Variants in ANKRD46 observed in about 807,000 individuals in gnomAD.
ANKRD46 encodes the protein ankyrin repeat domain-containing protein 46.
In ANKRD46, 13 loss-of-function variants were observed where a neutral mutation model predicts 19.8. The ratio of observed to expected loss-of-function variants is 0.66; its 90% CI spans 0.43 to 1.04. The LOEUF (loss-of-function observed/expected upper bound fraction) is 1.04. Among genes scored for constraint, ANKRD46 ranks in the 50% least tolerant of loss-of-function variants. ANKRD46 has a pLI of 0.00. For synonymous variants in ANKRD46, 91 were observed against 106.9 expected (o/e 0.85, Z 0.92); for missense variants, 185 against 274.8 (o/e 0.67, Z 2.31).
rs552093080 is a variant in ANKRD46, at chr8:100,527,411, C to G, written c.470+434G>C. 3.3e-5 allele frequency among the ~76,000 whole-genome samples: 5 copies of G among 152,104 alleles called. No individual in the cohort carries two copies. The South Asian group carries it at 1.0e-3, about 32-fold the overall frequency. On this transcript the variant is annotated intron_variant, in intron 4 of 4. Transcript: ENST00000335659. This position sits in a 1 kb window ranked among gnomAD's most constrained non-coding sequence, Gnocchi z 4.0. ...AGTTCTTGGCTTTACTTATACTTCT[C>G]TTTTTTTTGAAATTCCATTCTTTTT...
At position 100,520,791 on chromosome 8, in the gene ANKRD46, A is replaced by G. The variant is rs2130637744; in HGVS notation, c.*1764T>C. 1 of 982,332 alleles carries G rather than the reference A, an allele frequency of 1.0e-6. No individual in the cohort carries two copies. Among genetic ancestry groups the G allele is most frequent in the Non-Finnish European group, 1.2e-6 (1 of 827,342 alleles). 60.9% of individuals were successfully genotyped at this position (982,332 alleles called of 1,614,324 possible). On this transcript the variant is annotated 3_prime_UTR_variant, in exon 5 of 5. Transcript: ENST00000335659. ...TCGTGATTAAGGGATATATAAATAC[A>G]TTTATTGGTGGTATTCCTGAATGAT...
intron 1 of ANKRD46, among the ~76,000 whole-genome samples, chr8:100,554,222 G>GAC (rs1198438750): frequency 6.6e-6 from 1 of 152,156 alleles, no homozygotes; most frequent in African/African-American, 2.4e-5. Flanking sequence ...TGGCAAGTCA[G>GAC]ACGTTAAATT....
intron 1 of ANKRD46, among the ~76,000 whole-genome samples, chr8:100,555,228 T>C (rs930603944): frequency 1.3e-5 from 2 of 151,658 alleles, no homozygotes; most frequent in Non-Finnish European, 2.9e-5. Flanking sequence ...AAATTCAATA[T>C]TATAGTCTCA....
intron 3 of ANKRD46, among the ~76,000 whole-genome samples, chr8:100,528,482 C>T (rs1391603705): frequency 6.6e-6 from 1 of 150,574 alleles, no homozygotes; most frequent in African/African-American, 2.4e-5. Context: ...GCCAAACATC[C>T]AGTGTAGCTG....
At chr8:100,513,877 G>A (rs1811586501) in intron 5 of ANKRD46, among the ~76,000 whole-genome samples, 1 of 152,210 alleles carries the variant, frequency 6.6e-6, no homozygotes, top group African/African-American at 2.4e-5. Flanking sequence ...TCCAAAGTAA[G>A]TTACAGATTT....
At chr8:100,513,965 A>C (rs1811589443) in intron 5 of ANKRD46, among the ~76,000 whole-genome samples, 1 of 152,222 alleles carries the variant, frequency 6.6e-6, no homozygotes, top group South Asian at 2.1e-4. Context: ...AATTTCGGTG[A>C]AACAGTCCAG....
At chr8:100,514,341 T>C (rs962035583) in intron 5 of ANKRD46, among the ~76,000 whole-genome samples, 1 of 152,174 alleles carries the variant, frequency 6.6e-6, no homozygotes, top group Non-Finnish European at 1.5e-5. Context: ...CATTAATTTG[T>C]AATGATTCCA....
downstream of ANKRD46, among the ~76,000 whole-genome samples, chr8:100,518,291 G>C (rs1023368563): frequency 2.6e-5 from 4 of 152,092 alleles, no homozygotes; most frequent in African/African-American, 9.7e-5. Context: ...TTATGTAATA[G>C]AAACACAAAA....
rs1377472249 is a variant in ANKRD46 at position 100,536,767 on chromosome 8, G to A, written c.-130-3456C>T. 1.3e-5 allele frequency among the ~76,000 whole-genome samples: 2 copies of A among 152,202 alleles called. No individual in the cohort carries two copies. The highest frequency in any genetic ancestry group is 3.8e-4 in the East Asian group (2 of 5,196). On this transcript the variant is annotated intron_variant, in intron 1 of 4. Coordinates refer to ENST00000335659, the MANE Select transcript of ANKRD46 (RefSeq NM_001270377.2). This position sits in a 1 kb window ranked among gnomAD's most constrained non-coding sequence, Gnocchi z 4.9. ...CTGGTTCCCAAGGAACAGTGTCCAT[G>A]AGGAACAGTGTCCACTGACTGGTTC...
Position 100,534,187 on chromosome 8 carries a change from A to C in ANKRD46, c.-130-876T>G, listed in dbSNP as rs995200856. On this transcript the variant is annotated intron_variant, in intron 1 of 4. Transcript: ENST00000335659. The surrounding 1 kb of genome is among the most constrained non-coding windows in gnomAD (Gnocchi z 4.2). ...CGATCATCCTTGTTCATTGTTATCA[A>C]ATCCCTGTGAACAAATTTATATAGG... 7.9e-5 allele frequency among the ~76,000 whole-genome samples: 12 copies of C among 152,244 alleles called. No individual in the cohort carries two copies. The highest frequency in any genetic ancestry group is 1.8e-4 in the Non-Finnish European group (12 of 68,038).
intron 4 of ANKRD46, among the ~76,000 whole-genome samples, chr8:100,523,310 T>C (rs1811772417): frequency 6.6e-6 from 1 of 151,940 alleles, no homozygotes; most frequent in Admixed American, 6.6e-5. Flanking sequence ...TTAATACGAA[T>C]AAGCAGACAT....
intron 4 of ANKRD46, among the ~76,000 whole-genome samples, chr8:100,523,345 C>A (rs1215738200): frequency 6.6e-6 from 1 of 151,544 alleles, no homozygotes; most frequent in African/African-American, 2.4e-5. Context: ...CTGAAGAGGA[C>A]AGTCATCTAC....
intron 4 of ANKRD46, among the ~76,000 whole-genome samples, chr8:100,526,528 A>G (rs540152629): frequency 6.6e-6 from 1 of 152,344 alleles, no homozygotes; most frequent in African/African-American, 2.4e-5. Flanking sequence ...AGAGAAAAAC[A>G]AGGGCTTGCA....
chr8:100,547,402 C>A (rs1812294030), intron 1 of ANKRD46, among the ~76,000 whole-genome samples: 1 of 152,124 alleles, frequency 6.6e-6, no homozygotes, highest in African/African-American at 2.4e-5. Flanking sequence ...GTAAGATGTG[C>A]CTTGCTTACC....
Position 100,531,689 on chromosome 8 carries a change from G to C in ANKRD46, c.-28+1520C>G, listed in dbSNP as rs1811966241. On this transcript the variant is annotated intron_variant, in intron 2 of 4. Coordinates refer to ENST00000335659, the MANE Select transcript of ANKRD46 (RefSeq NM_001270377.2). ...GACAGGTTCTTGCTCTGTCACCCAG[G>C]CTGGAGTGCGGTGGTACAATCATGG... is the stretch of plus-strand genomic sequence containing the variant. Among the ~76,000 whole-genome samples, 3 of 152,060 alleles carry C rather than the reference G, an allele frequency of 2.0e-5. No individual in the cohort carries two copies. The South Asian group carries it at 6.2e-4, about 32-fold the overall frequency.
At chr8:100,549,885 G>T (rs780849444) in intron 1 of ANKRD46, among the ~76,000 whole-genome samples, 1 of 152,094 alleles carries the variant, frequency 6.6e-6, no homozygotes, top group African/African-American at 2.4e-5. Context: ...TATTTTTATT[G>T]TCTCTATAAT....
At position 100,510,641 on chromosome 8, in the gene ANKRD46, T is replaced by G; in HGVS notation, c.637-2A>C. The stretch of plus-strand genomic sequence containing the variant: ...GCTTCCAAGCCTCAGTGTCCTTCTC[T>G]GTAAATGTGGGGAAGACAGATTAAA... On this transcript the variant is annotated splice_acceptor_variant, in intron 5 of 5. Transcript: ENST00000520552. LOFTEE classifies it high-confidence loss of function. The surrounding 1 kb of genome is among the most constrained non-coding windows in gnomAD (Gnocchi z 4.9). 6.5e-7 allele frequency: 1 copy of G among 1,533,910 alleles called. No homozygotes were observed. Among genetic ancestry groups the G allele is most frequent in the Non-Finnish European group, 8.7e-7 (1 of 1,145,774 alleles).
chr8:100,530,724 A>C (rs1811944079), intron 2 of ANKRD46, among the ~76,000 whole-genome samples: 1 of 152,148 alleles, frequency 6.6e-6, no homozygotes, highest in African/African-American at 2.4e-5. Flanking sequence ...GGAATGTAAC[A>C]AACTGAATTT....
rs1293048450 is a variant in ANKRD46 at position 100,534,072 on chromosome 8, T to C, written c.-130-761A>G. Among the ~76,000 whole-genome samples the C allele has an allele frequency of 6.6e-6, 1 of 152,212 alleles. No homozygotes were observed. Among genetic ancestry groups the C allele is most frequent in the African/African-American group, 2.4e-5 (1 of 41,448 alleles). ...CAATATTAGTTCATGAAACAAACAT[T>C]CACTGTGTGCCTGCAATGTGCCAGA... On this transcript the variant is annotated intron_variant, in intron 1 of 4. Coordinates refer to ENST00000335659, the MANE Select transcript of ANKRD46 (RefSeq NM_001270377.2). This position sits in a 1 kb window ranked among gnomAD's most constrained non-coding sequence, Gnocchi z 4.2.
Sources: gnomAD v4.1 joint callset for allele counts (sites outside exome capture counted in the v4.1 genomes callset) on GRCh38, gnomAD v4.1.1 for gene constraint, Gnocchi (gnomAD v3.1) non-coding constraint, MANE v1.5 for transcripts, NCBI Gene and HGNC (gene_info 2026-07-23, HGNC 2026-07-21) for gene names.